Variants in SLC39A11 observed in about 807,000 individuals in gnomAD.
SLC39A11 encodes solute carrier family 39 member 11, also known as zinc transporter ZIP11.
A neutral mutation model predicts 36.1 loss-of-function variants in SLC39A11; 33 were observed. The ratio of observed to expected loss-of-function variants is 0.91; its 90% CI spans 0.69 to 1.22. The LOEUF (loss-of-function observed/expected upper bound fraction) is 1.22. Among genes scored for constraint, SLC39A11 ranks in the 50% most tolerant of loss-of-function variants. The probability of loss-of-function intolerance (pLI) is 0.00; values close to 1 mark genes in which losing one functional copy is unlikely to be tolerated. For missense variants in SLC39A11, 432 were observed against 430.3 expected (o/e 1.00, Z -0.03); for synonymous variants, 166 against 170.3 (o/e 0.97, Z 0.20).
intron 6 of SLC39A11, among the ~76,000 whole-genome samples, chr17:72,773,673 A>C (rs2144743427): frequency 6.7e-6 from 1 of 149,012 alleles, no homozygotes; most frequent in Admixed American, 6.6e-5. Flanking sequence ...ACACACACAC[A>C]CACACCCAGT....
chr17:72,753,837 TGG>T (rs1259382442), intron 6 of SLC39A11, among the ~76,000 whole-genome samples: 2 of 134,968 alleles, frequency 1.5e-5, no homozygotes, highest in Non-Finnish European at 3.0e-5. Flanking sequence ...GAACTACCAC[TGG>T]ATCCAGCAAT....
At chr17:72,876,124 G>A (rs760243605) in intron 5 of SLC39A11, among the ~76,000 whole-genome samples, 1 of 152,220 alleles carries the variant, frequency 6.6e-6, no homozygotes, top group Non-Finnish European at 1.5e-5. Context: ...AGTCATGGGA[G>A]TGTCAAAGTT....
At chr17:73,085,444 G>C (rs1239865630) in intron 2 of SLC39A11, among the ~76,000 whole-genome samples, 1 of 152,102 alleles carries the variant, frequency 6.6e-6, no homozygotes, top group Non-Finnish European at 1.5e-5. Context: ...TCAGGAATCT[G>C]AGGTCAGCCT....
intron 3 of SLC39A11, among the ~76,000 whole-genome samples, chr17:73,068,470 G>A (rs963694055): frequency 3.3e-5 from 5 of 152,260 alleles, no homozygotes; most frequent in African/African-American, 4.8e-5. Flanking sequence ...CCCAACACAT[G>A]CAGATTCCAA....
intron 5 of SLC39A11, among the ~76,000 whole-genome samples, chr17:72,893,441 C>T (rs2081864213): frequency 6.6e-6 from 1 of 151,274 alleles, no homozygotes; most frequent in Non-Finnish European, 1.5e-5. Flanking sequence ...GCCTGGGCGA[C>T]ACAGCAAGAC....
intron 5 of SLC39A11, among the ~76,000 whole-genome samples, chr17:72,859,971 G>C (rs2079873404): frequency 1.5e-5 from 2 of 134,812 alleles, no homozygotes; most frequent in African/African-American, 5.6e-5. Flanking sequence ...CTGGGCGACA[G>C]AGTGAGACTC....
intron 9 of SLC39A11, among the ~76,000 whole-genome samples, chr17:72,648,423 T>G (rs2069678236): frequency 6.6e-6 from 1 of 151,672 alleles, no homozygotes; most frequent in Non-Finnish European, 1.5e-5. Context: ...ACACCTGGCC[T>G]ATAGCTAGCC....
At chr17:72,909,487 G>A (rs145852400) in intron 5 of SLC39A11, among the ~76,000 whole-genome samples, 2,019 of 152,212 alleles carry the variant, frequency 0.013, 20 homozygotes, top group Non-Finnish European at 0.017. Flanking sequence ...GGAAAATTAC[G>A]AAGAAAGAAC....
chr17:72,941,041 G>A (rs781278784), intron 5 of SLC39A11, among the ~76,000 whole-genome samples: 1 of 152,214 alleles, frequency 6.6e-6, no homozygotes. Flanking sequence ...GGAGGCCGAG[G>A]TGGGTGGATA....
chr17:73,070,455 T>TA (rs1424174862), intron 3 of SLC39A11, among the ~76,000 whole-genome samples: 3 of 152,186 alleles, frequency 2.0e-5, no homozygotes, highest in African/African-American at 7.2e-5. Flanking sequence ...ACCTGAACCC[T>TA]AAGCATTAAC....
intron 5 of SLC39A11, among the ~76,000 whole-genome samples, chr17:72,942,834 C>T (rs1044267600): frequency 1.3e-5 from 2 of 152,158 alleles, no homozygotes; most frequent in East Asian, 1.9e-4. Flanking sequence ...AAGCCCCACA[C>T]ATTATGTCTA....
intron 7 of SLC39A11, among the ~76,000 whole-genome samples, chr17:72,729,424 TATATATATATATATA>T (rs2074082730): frequency 1.3e-3 from 3 of 2,262 alleles, no homozygotes; most frequent in Non-Finnish European, 2.1e-3. Context: ...TATATATATA[TATATATATATATATA>T]TATATATATA....
chr17:72,780,942 G>C (rs911563371), intron 6 of SLC39A11, among the ~76,000 whole-genome samples: 1 of 152,086 alleles, frequency 6.6e-6, no homozygotes, highest in African/African-American at 2.4e-5. Context: ...AGCTCAGATC[G>C]CGCCATTGCA....
At chr17:73,039,429 C>G (rs897684651) in intron 3 of SLC39A11, among the ~76,000 whole-genome samples, 4 of 152,210 alleles carry the variant, frequency 2.6e-5, no homozygotes, top group Admixed American at 2.6e-4. Flanking sequence ...GCACCCCCAT[C>G]AGAGTAGTCC....
At chr17:72,867,006 AT>A (rs2080336496) in intron 5 of SLC39A11, among the ~76,000 whole-genome samples, 1 of 152,244 alleles carries the variant, frequency 6.6e-6, no homozygotes, top group Non-Finnish European at 1.5e-5. Flanking sequence ...GGAAGCAACC[AT>A]TGATTGTAAA....
At chr17:72,856,760 A>G (rs2146132379) in intron 5 of SLC39A11, among the ~76,000 whole-genome samples, 1 of 152,070 alleles carries the variant, frequency 6.6e-6, no homozygotes, top group South Asian at 2.1e-4. Context: ...GGTTCACTGT[A>G]ACACCCGCCT....
intron 6 of SLC39A11, among the ~76,000 whole-genome samples, chr17:72,813,004 C>A (rs1198841619): frequency 6.6e-6 from 1 of 152,154 alleles, no homozygotes; most frequent in Non-Finnish European, 1.5e-5. Context: ...ATTTTCTCTT[C>A]CAGAATTGAA....
Position 72,907,913 on chromosome 17 carries a change from G to A in SLC39A11, c.430+39839C>T, listed in dbSNP as rs565369443. ...GAGAAGTGGAAGGAGGAGACAGGTC[G>A]TTCCTGGACGTGGGAAGGGGTAGAG... On this transcript the variant is annotated intron_variant, in intron 5 of 9. Coordinates refer to ENST00000255559, the MANE Select transcript of SLC39A11 (RefSeq NM_139177.4). 7.2e-5 allele frequency among the ~76,000 whole-genome samples: 11 copies of A among 152,340 alleles called. No individual in the cohort carries two copies. In the South Asian group the frequency reaches 1.5e-3, roughly 20 times the overall value.
intron 5 of SLC39A11, among the ~76,000 whole-genome samples, chr17:72,862,871 G>A (rs1331509395): frequency 6.6e-6 from 1 of 152,182 alleles, no homozygotes; most frequent in Non-Finnish European, 1.5e-5. Flanking sequence ...TAGCTGTATG[G>A]TAGAAGACTG....
Sources: allele counts gnomAD v4.1 joint callset (sites outside exome capture counted in the v4.1 genomes callset), GRCh38; gene constraint gnomAD v4.1.1; transcripts MANE v1.5; gene names NCBI Gene and HGNC (gene_info 2026-07-23, HGNC 2026-07-21).